MCF2L2: variants seen among roughly 807,000 people sequenced by gnomAD.
The protein encoded by MCF2L2 is MCF.2 cell line derived transforming sequence-like 2.
A neutral mutation model predicts 150.2 loss-of-function variants in MCF2L2; 102 were observed. The ratio of observed to expected loss-of-function variants is 0.68; its 90% CI spans 0.58 to 0.80. The LOEUF is 0.80. MCF2L2 is among the 30% of genes least tolerant of loss of function. The pLI is 0.00. For synonymous variants in MCF2L2, 465 were observed against 491.3 expected (o/e 0.95, Z 0.71); for missense variants, 1,256 against 1,372.8 (o/e 0.91, Z 1.34).
chr3:183,261,186 T>C (rs1257668447), intron 15 of MCF2L2, among the ~76,000 whole-genome samples: 2 of 152,228 alleles, frequency 1.3e-5, no homozygotes, highest in African/African-American at 4.8e-5. Context: ...GTAAGTAATT[T>C]ATTAAGAAAA....
At chr3:183,206,584 A>G (rs1333576646) in intron 23 of MCF2L2, among the ~76,000 whole-genome samples, 1 of 152,222 alleles carries the variant, frequency 6.6e-6, no homozygotes, top group Non-Finnish European at 1.5e-5. Context: ...AAGGCCAGGT[A>G]TGGTGGCTCA....
intron 15 of MCF2L2, among the ~76,000 whole-genome samples, chr3:183,250,983 C>T (rs1260717185): frequency 3.9e-5 from 6 of 152,236 alleles, no homozygotes; most frequent in Non-Finnish European, 7.3e-5. Context: ...TTGCACTAAT[C>T]CTCACCCACC....
rs78834246 is a variant in MCF2L2, at chr3:183,388,721, G to C, written c.160+975C>G. The stretch of plus-strand genomic sequence containing the variant: ...GAATTCCCCCAGAATGTCCTGGATT[G>C]TGTAAGATGTGGTCACCCAGGAGGC... On this transcript the variant is annotated intron_variant, in intron 2 of 29. Transcript: ENST00000328913. Among the ~76,000 whole-genome samples, 1,193 of 152,334 alleles carry C rather than the reference G, an allele frequency of 7.8e-3. 17 individuals carry two copies. Among genetic ancestry groups the C allele is most frequent in the African/African-American group, 0.025 (1,041 of 41,568 alleles).
chr3:183,356,280 C>CGAG (rs1711776427), intron 3 of MCF2L2, among the ~76,000 whole-genome samples: 2 of 151,596 alleles, frequency 1.3e-5, no homozygotes, highest in Non-Finnish European at 2.9e-5. Flanking sequence ...TTTGGGAGGC[C>CGAG]AAGGCAGGCT....
intron 6 of MCF2L2, among the ~76,000 whole-genome samples, chr3:183,321,083 G>C (rs1043476588): frequency 6.6e-6 from 1 of 152,016 alleles, no homozygotes; most frequent in Non-Finnish European, 1.5e-5. Context: ...TGCAGTTTTC[G>C]GCACCCCAAA....
At chr3:183,280,416 T>A (rs1032558386) in intron 14 of MCF2L2, among the ~76,000 whole-genome samples, 2 of 151,624 alleles carry the variant, frequency 1.3e-5, no homozygotes, top group East Asian at 1.9e-4. Context: ...ATTATTGAAA[T>A]TGTTTTTTTT....
In MCF2L2 at chr3:183,197,547, T is replaced by C. The variant is rs1722115990; in HGVS notation, c.2885-2292A>G. ...AGAAAACACAGGGAGAAAATCTTTATGGCTTTTAGATAACGATTTCTTAGG... is the reference window on the plus strand; with the variant it reads ...AGAAAACACAGGGAGAAAATCTTTACGGCTTTTAGATAACGATTTCTTAGG... On this transcript the variant is annotated intron_variant, in intron 25 of 29. Transcript: ENST00000328913. The surrounding 1 kb of genome is among the most constrained non-coding windows in gnomAD (Gnocchi z 4.5). Among the ~76,000 whole-genome samples the C allele has an allele frequency of 6.6e-6, 1 of 152,194 alleles. No homozygotes were observed. The highest frequency in any genetic ancestry group is 2.1e-4 in the South Asian group (1 of 4,832).
intron 3 of MCF2L2, among the ~76,000 whole-genome samples, chr3:183,361,118 A>ACAAGACAAGACAAG (rs1560040381): frequency 6.1e-5 from 9 of 147,788 alleles, no homozygotes; most frequent in Admixed American, 1.3e-4. Context: ...AAGAAAAAAG[A>ACAAGACAAGACAAG]AAAAGAAAAG....
intron 25 of MCF2L2, among the ~76,000 whole-genome samples, chr3:183,204,966 G>A (rs1368505055): frequency 2.0e-5 from 3 of 152,230 alleles, no homozygotes; most frequent in African/African-American, 7.2e-5. Context: ...ATTAGTGATT[G>A]CCAGGGGCTG....
intron 1 of MCF2L2, among the ~76,000 whole-genome samples, chr3:183,390,714 G>C (rs921646720): frequency 2.0e-5 from 3 of 152,154 alleles, no homozygotes; most frequent in Non-Finnish European, 4.4e-5. Flanking sequence ...CTGGTCAACA[G>C]AGTAAGATCT....
chr3:183,390,960 A>G (rs1312699756), intron 1 of MCF2L2, among the ~76,000 whole-genome samples: 1 of 152,218 alleles, frequency 6.6e-6, no homozygotes, highest in Non-Finnish European at 1.5e-5. Context: ...TTGTTTCTAC[A>G]GGAGTTAAAC....
intron 10 of MCF2L2, among the ~76,000 whole-genome samples, chr3:183,301,793 C>CAAAAAAAAAAAAAAA (rs200514561): frequency 4.0e-5 from 5 of 124,336 alleles, no homozygotes; most frequent in African/African-American, 1.5e-4. Flanking sequence ...GCTCTGTCTC[C>CAAAAAAAAAAAAAAA]AAAAAAAAAA....
At chr3:183,224,695 T>C (rs771055881) in intron 18 of MCF2L2, 1 of 152,578 alleles carries the variant, frequency 6.6e-6, no homozygotes, top group Non-Finnish European at 1.5e-5. Context: ...GGAGATGTGG[T>C]AGATCGGGCA....
At position 183,277,731 on chromosome 3, in the gene MCF2L2, G is replaced by T. The variant is rs1056345053; in HGVS notation, c.1777-774C>A. On this transcript the variant is annotated intron_variant, in intron 14 of 29. Transcript: ENST00000328913. ...TTGGCTAGGCTGGTCTTGAACTCCT[G>T]ACCTCAAATGATCCACTGACCTCAG... is the stretch of plus-strand genomic sequence containing the variant. 4.3e-4 allele frequency among the ~76,000 whole-genome samples: 65 copies of T among 149,788 alleles called. 1 individual carries two copies. Among genetic ancestry groups the T allele is most frequent in the African/African-American group, 1.6e-3 (65 of 40,952 alleles).
intron 1 of MCF2L2, among the ~76,000 whole-genome samples, chr3:183,401,397 C>A (rs148120387): frequency 2.0e-5 from 3 of 152,064 alleles, no homozygotes; most frequent in African/African-American, 4.8e-5. Flanking sequence ...CATTGGCCAA[C>A]AAGAAACTGG....
intron 11 of MCF2L2, chr3:183,297,465 TAATTA>T (rs56817036): frequency 0.038 from 11,566 of 306,560 alleles, 1,239 homozygotes; most frequent in African/African-American, 0.23. Context: ...AATATATATT[TAATTA>T]AAGACAGGGT....
chr3:183,277,080 T>C, intron 14 of MCF2L2, 123 bp from the exon 15 acceptor site: 2 of 639,076 alleles, frequency 3.1e-6, no homozygotes, highest in South Asian at 4.0e-5. Context: ...AAATATCCAG[T>C]TTCTCATGCC....
intron 5 of MCF2L2, among the ~76,000 whole-genome samples, chr3:183,326,805 C>T (rs1730062399): frequency 6.6e-6 from 1 of 152,148 alleles, no homozygotes; most frequent in African/African-American, 2.4e-5. Context: ...CCACAAAGAC[C>T]TCCCTTGTGC....
intron 11 of MCF2L2, chr3:183,297,455 A>C (rs1728576615): frequency 6.0e-6 from 2 of 330,606 alleles, no homozygotes; most frequent in Non-Finnish European, 1.1e-5. Context: ...GAGACAGCTA[A>C]ATATATATTT....
Sources: allele counts gnomAD v4.1 joint callset (sites outside exome capture counted in the v4.1 genomes callset), GRCh38; gene constraint gnomAD v4.1.1; non-coding constraint Gnocchi (gnomAD v3.1); transcripts MANE v1.5; gene names NCBI Gene and HGNC (gene_info 2026-07-23, HGNC 2026-07-21).